Variants in AGBL3 observed in about 807,000 individuals in gnomAD.
AGBL3 encodes cytosolic carboxypeptidase 3.
A neutral mutation model predicts 94.5 loss-of-function variants in AGBL3; 68 were observed. That is an observed-to-expected ratio of 0.72 (90% CI 0.59 to 0.88). The LOEUF (loss-of-function observed/expected upper bound fraction) is 0.88. AGBL3 is among the 40% of genes least tolerant of loss of function. AGBL3 has a pLI of 0.00. For synonymous variants in AGBL3, 354 were observed against 370.7 expected (o/e 0.95, Z 0.52); for missense variants, 934 against 1,103.8 (o/e 0.85, Z 2.18).
At chr7:134,998,737 T>C (rs552101222) in intron 4 of AGBL3, among the ~76,000 whole-genome samples, 1 of 152,276 alleles carries the variant, frequency 6.6e-6, no homozygotes, top group East Asian at 1.9e-4. Context: ...GTTAGGCCCA[T>C]AGCAATTCCG....
At chr7:135,067,899 C>T (rs187288322) in intron 12 of AGBL3, among the ~76,000 whole-genome samples, 33 of 152,132 alleles carry the variant, frequency 2.2e-4, no homozygotes, top group East Asian at 1.2e-3. Context: ...AAATGACTGA[C>T]GAGTTGAGAG....
chr7:135,129,260 C>A, intron 16 of AGBL3: 1 of 1,527,924 alleles, frequency 6.5e-7, no homozygotes, highest in South Asian at 1.1e-5. Flanking sequence ...TCTGCTCCAG[C>A]TGCAATTTTG....
At chr7:135,008,964 T>C (rs955375390) in intron 4 of AGBL3, among the ~76,000 whole-genome samples, 25 of 152,154 alleles carry the variant, frequency 1.6e-4, no homozygotes, top group Non-Finnish European at 1.5e-5. Flanking sequence ...ATGACTAGAA[T>C]CAAAAAGTCA....
intron 11 of AGBL3, among the ~76,000 whole-genome samples, chr7:135,053,213 C>T (rs1032672255): frequency 3.3e-5 from 5 of 152,118 alleles, no homozygotes; most frequent in African/African-American, 1.2e-4. Context: ...GTGAAAAATG[C>T]GTGAAGCTGA....
chr7:135,092,898 C>T lies in AGBL3; in HGVS notation c.2110+11108C>T, dbSNP rs1000718920. The T allele has an allele frequency of 4.0e-5, 6 of 151,780 alleles. No individual in the cohort carries two copies. The South Asian group carries it at 8.3e-4, about 21-fold the overall frequency. 9.4% of individuals were successfully genotyped at this position (151,780 alleles called of 1,614,324 possible). Reference sequence around the variant, plus strand: ...TATGAAAATTAAACAATATAATATACCATGTTAATAGAATATAAAGAAAAA... The same window carrying T: ...TATGAAAATTAAACAATATAATATATCATGTTAATAGAATATAAAGAAAAA... On this transcript the variant is annotated intron_variant, in intron 15 of 16. Coordinates refer to ENST00000436302, the MANE Select transcript of AGBL3 (RefSeq NM_178563.4).
intron 15 of AGBL3, among the ~76,000 whole-genome samples, chr7:135,113,353 CCTG>C (rs1269620157): frequency 6.6e-6 from 1 of 152,082 alleles, no homozygotes; most frequent in African/African-American, 2.4e-5. Flanking sequence ...TCATCAGCAT[CCTG>C]CTACTCTTGT....
chr7:135,080,575 GC>G (rs1160488880), intron 14 of AGBL3, among the ~76,000 whole-genome samples: 1 of 152,048 alleles, frequency 6.6e-6, no homozygotes, highest in African/African-American at 2.4e-5. Context: ...TGAAAGGCTT[GC>G]CCCCAAAGGG....
chr7:135,063,182 A>G (rs1450623163), intron 12 of AGBL3, among the ~76,000 whole-genome samples: 4 of 151,912 alleles, frequency 2.6e-5, no homozygotes, highest in Admixed American at 2.6e-4. Flanking sequence ...TTATGATCCT[A>G]TTTCTGTGGT....
chr7:135,114,150 T>C (rs1826003926), intron 15 of AGBL3, among the ~76,000 whole-genome samples: 1 of 152,224 alleles, frequency 6.6e-6, no homozygotes, highest in Non-Finnish European at 1.5e-5. Flanking sequence ...ATAATGCTAC[T>C]ATAAATATGA....
At chr7:135,020,925 G>T (rs1308882372) in intron 5 of AGBL3, among the ~76,000 whole-genome samples, 1 of 126,068 alleles carries the variant, frequency 7.9e-6, no homozygotes, top group Non-Finnish European at 1.6e-5. Flanking sequence ...GGGGGAGGGG[G>T]GAGGGATAGC....
intron 7 of AGBL3, among the ~76,000 whole-genome samples, chr7:135,035,283 T>C (rs184721837): frequency 1.3e-5 from 2 of 151,978 alleles, no homozygotes; most frequent in African/African-American, 4.8e-5. Flanking sequence ...ATATATTTTA[T>C]ATACATGAAA....
At chr7:135,087,044 G>T (rs1821388974) in intron 15 of AGBL3, among the ~76,000 whole-genome samples, 1 of 151,806 alleles carries the variant, frequency 6.6e-6, no homozygotes, top group South Asian at 2.1e-4. Flanking sequence ...GTCTGTTTGG[G>T]TTTTCTATTT....
chr7:135,084,551 G>A (rs1041244611), intron 15 of AGBL3, among the ~76,000 whole-genome samples: 3 of 151,894 alleles, frequency 2.0e-5, no homozygotes, highest in African/African-American at 4.8e-5. Context: ...ACTTCTATGA[G>A]ATCAACATTT....
intron 16 of AGBL3, chr7:135,128,617 C>G (rs1801539011): frequency 2.5e-6 from 2 of 791,324 alleles, no homozygotes; most frequent in Admixed American, 3.5e-5. Context: ...GAAGAACACC[C>G]TGGCAGCGTG....
chr7:134,997,868 G>C (rs1347742923), intron 4 of AGBL3, among the ~76,000 whole-genome samples: 1 of 152,140 alleles, frequency 6.6e-6, no homozygotes, highest in Non-Finnish European at 1.5e-5. Context: ...CTTTAACAAA[G>C]AGCCTAGTTT....
At chr7:135,038,803 CA>C (rs1303063611) in intron 8 of AGBL3, among the ~76,000 whole-genome samples, 2 of 151,960 alleles carry the variant, frequency 1.3e-5, no homozygotes, top group African/African-American at 4.8e-5. Context: ...CTACTAAAAA[CA>C]AAAAATTAGC....
chr7:135,091,613 A>T (rs962694647), intron 15 of AGBL3, among the ~76,000 whole-genome samples: 16 of 152,266 alleles, frequency 1.1e-4, no homozygotes, highest in South Asian at 2.1e-4. Flanking sequence ...GAAATAAAAA[A>T]TTTTTTGACA....
At chr7:135,116,688 T>C (rs893549977) in intron 16 of AGBL3, among the ~76,000 whole-genome samples, 2 of 152,174 alleles carry the variant, frequency 1.3e-5, no homozygotes, top group African/African-American at 2.4e-5. Flanking sequence ...TAGCAGAGGT[T>C]TGAGATCCCC....
At position 134,993,361 on chromosome 7, in the gene AGBL3, G is replaced by A. The variant is rs570078582; in HGVS notation, c.125-132G>A. The stretch of plus-strand genomic sequence containing the variant: ...TTAGTACTTTTATAAACAGTGCCAT[G>A]AATTATAAAACATTTATAATGATAC... On this transcript the variant is annotated intron_variant, in intron 3 of 16. Transcript: ENST00000436302. 9.8e-6 allele frequency: 7 copies of A among 716,252 alleles called. No homozygotes were observed. In the Admixed American group the frequency reaches 1.9e-4, roughly 19 times the overall value. The allele number at this position is 716,252 out of a possible 1,614,324, so 44.4% of individuals were successfully genotyped here. A position where few individuals can be genotyped will look rare whatever the true frequency, so the allele number is the denominator to read the frequency against.
Sources: allele counts gnomAD v4.1 joint callset (sites outside exome capture counted in the v4.1 genomes callset), GRCh38; gene constraint gnomAD v4.1.1; transcripts MANE v1.5; gene names NCBI Gene and HGNC (gene_info 2026-07-23, HGNC 2026-07-21).